CRK: variants seen among roughly 807,000 people sequenced by gnomAD.
The protein encoded by CRK is CRK proto-oncogene, adaptor protein, also known as adapter molecule crk.
In CRK, 4 loss-of-function variants were observed where a neutral mutation model predicts 29.8. The observed-to-expected ratio is 0.13, with a 90% CI of 0.07 to 0.31. CRK has a LOEUF of 0.31. CRK is among the 10% of genes least tolerant of loss of function. The pLI, the probability that CRK is intolerant of heterozygous loss-of-function variation, is 1.00. For synonymous variants in CRK, 153 were observed against 164.9 expected (o/e 0.93, Z 0.55); for missense variants, 274 against 396.5 (o/e 0.69, Z 2.62).
intron 1 of CRK, among the ~76,000 whole-genome samples, chr17:1,443,567 T>C (rs996038041): frequency 2.0e-5 from 3 of 149,900 alleles, no homozygotes; most frequent in Non-Finnish European, 4.4e-5. Flanking sequence ...GGCTAATTTT[T>C]TTTTGTATTT....
chr17:1,423,581 G>C lies in CRK; in HGVS notation c.847C>G (p.Arg283Gly). The change falls in exon 3 of 3, where the codon CGA (arginine) becomes GGA (glycine). Residue 283 changes from arginine (R) to glycine (G), a missense_variant. Physicochemically the swap from Arg to Gly is moderately radical, Grantham distance 125. This residue lies in a region of CRK where 121 missense variants were observed against 154.3 expected (regional missense o/e 0.78). Coordinates refer to ENST00000300574, the MANE Select transcript of CRK (RefSeq NM_016823.4). ...GQWEGECNGK[R>G]GHFPFTHVRL... ...ACATGTGTGAATGGGAAGTGACCTC[G>C]TTTGCCATTACACTCCCCTTCCCAC... 6.2e-7 allele frequency: 1 copy of C among 1,614,032 alleles called. No individual in the cohort carries two copies. The highest frequency in any genetic ancestry group is 8.5e-7 in the Non-Finnish European group (1 of 1,179,986).
intron 1 of CRK, among the ~76,000 whole-genome samples, chr17:1,450,490 C>T (rs900471551): frequency 3.4e-5 from 5 of 148,570 alleles, no homozygotes; most frequent in Admixed American, 6.8e-5. Flanking sequence ...CCGGCGTGGG[C>T]GACAGAGCGA....
In CRK at chr17:1,450,461, C is replaced by T. The variant is rs1471820895; in HGVS notation, c.241+5416G>A. Reference sequence around the variant, plus strand: ...GGCGGAGCTTTCAGTGAGCCGAGATCGCGCCACTGCCCTCCGGCCCGGCGT... The same window carrying T: ...GGCGGAGCTTTCAGTGAGCCGAGATTGCGCCACTGCCCTCCGGCCCGGCGT... On this transcript the variant is annotated intron_variant, in intron 1 of 2. Coordinates refer to ENST00000300574, the MANE Select transcript of CRK (RefSeq NM_016823.4). 2.6e-5 allele frequency among the ~76,000 whole-genome samples: 4 copies of T among 152,044 alleles called. No individual in the cohort carries two copies. In the East Asian group the frequency reaches 7.7e-4, roughly 29 times the overall value.
chr17:1,437,019 T>A lies in CRK; in HGVS notation c.378A>T (p.Gly126=), dbSNP rs1244098450. 1 of 1,614,112 alleles carries A rather than the reference T, an allele frequency of 6.2e-7. No individual in the cohort carries two copies. The highest frequency in any genetic ancestry group is 8.5e-7 in the Non-Finnish European group (1 of 1,180,024). ...EPVSRSRQGS[G]VILRQEEAEY... is the part of the protein sequence containing the mutation. ...CCGCCTCCTCCTGCCTGAGAATCAC[T>A]CCACTACCCTGCCTGGATCTGGAAA... Residue 126 remains glycine, a synonymous_variant, in exon 2 of 3, where the codon GGA becomes GGT. Coordinates refer to ENST00000300574, the MANE Select transcript of CRK (RefSeq NM_016823.4).
chr17:1,426,461 G>C (rs2073779997), intron 2 of CRK: 1 of 152,214 alleles, frequency 6.6e-6, no homozygotes, highest in African/African-American at 2.4e-5. Context: ...AGGGTGCTGT[G>C]GGGCTCACGT....
Position 1,423,447 on chromosome 17 carries a change from T to G in CRK, c.*66A>C. The G allele has an allele frequency of 6.4e-7, 1 of 1,552,130 alleles. No individual in the cohort carries two copies. Among genetic ancestry groups the G allele is most frequent in the South Asian group, 1.2e-5 (1 of 82,366 alleles). The stretch of plus-strand genomic sequence containing the variant: ...TTTTGACATCTGTAAGAAAATTGTA[T>G]AGATGGCAGTTGGAAAAAAAAAAAA... On this transcript the variant is annotated 3_prime_UTR_variant, in exon 3 of 3. Transcript: ENST00000300574.
At chr17:1,449,925 A>G (rs2074004422) in intron 1 of CRK, among the ~76,000 whole-genome samples, 1 of 152,174 alleles carries the variant, frequency 6.6e-6, no homozygotes, top group Non-Finnish European at 1.5e-5. Context: ...CCAGCTGCGC[A>G]CGGTGGCTCA....
At chr17:1,441,063 G>C (rs2073931636) in intron 1 of CRK, among the ~76,000 whole-genome samples, 1 of 152,140 alleles carries the variant, frequency 6.6e-6, no homozygotes, top group African/African-American at 2.4e-5. Flanking sequence ...AGCCTCCTGA[G>C]TAGCTGGGCC....
At chr17:1,447,097 A>C (rs1041230518) in intron 1 of CRK, among the ~76,000 whole-genome samples, 3 of 152,160 alleles carry the variant, frequency 2.0e-5, no homozygotes, top group African/African-American at 7.2e-5. Context: ...GGAGAACAGA[A>C]CACACATAAG....
intron 2 of CRK, chr17:1,424,325 A>G (rs925803461): frequency 1.3e-5 from 2 of 152,294 alleles, no homozygotes; most frequent in Non-Finnish European, 2.9e-5. Context: ...TTGGCCTCCC[A>G]AAGTGCTTGG....
rs1414348416 is a variant in CRK at position 1,421,833 on chromosome 17, A to G, written c.*1680T>C. The G allele has an allele frequency of 6.6e-6, 1 of 152,226 alleles. No homozygotes were observed. The highest frequency in any genetic ancestry group is 1.5e-5 in the Non-Finnish European group (1 of 68,036). The allele number at this position is 152,226 out of a possible 1,614,324, so 9.4% of individuals were successfully genotyped here. The stretch of plus-strand genomic sequence containing the variant: ...AGATTATTTTTCCAAAATGAGGTCC[A>G]AAGCAAACTATAAGGTGTTTCTATT... On this transcript the variant is annotated 3_prime_UTR_variant, in exon 3 of 3. Coordinates refer to ENST00000300574, the MANE Select transcript of CRK (RefSeq NM_016823.4).
intron 2 of CRK, chr17:1,424,362 G>A: frequency 6.5e-6 from 1 of 152,934 alleles, no homozygotes; most frequent in Non-Finnish European, 1.5e-5. Flanking sequence ...ACTGTGCCTG[G>A]CCGCCTTCTC....
At position 1,445,304 on chromosome 17, in the gene CRK, A is replaced by G. The variant is rs556954801; in HGVS notation, c.242-8149T>C. Among the ~76,000 whole-genome samples, 7 of 152,196 alleles carry G rather than the reference A, an allele frequency of 4.6e-5. No individual in the cohort carries two copies. The South Asian group carries it at 1.5e-3, about 32-fold the overall frequency. Reference sequence around the variant, plus strand: ...GAGACCATCTGAAGGAGAGCCGTACATTTTTCATATTACCCAAAGTCCACC... The same window carrying G: ...GAGACCATCTGAAGGAGAGCCGTACGTTTTTCATATTACCCAAAGTCCACC... On this transcript the variant is annotated intron_variant, in intron 1 of 2. Coordinates refer to ENST00000300574, the MANE Select transcript of CRK (RefSeq NM_016823.4).
intron 1 of CRK, among the ~76,000 whole-genome samples, chr17:1,450,310 C>T (rs889422084): frequency 6.6e-6 from 1 of 151,856 alleles, no homozygotes; most frequent in Non-Finnish European, 1.5e-5. Flanking sequence ...AGCTCAAGAC[C>T]ATCCTGGCTA....
chr17:1,446,590 C>CTTT (rs56660089), intron 1 of CRK, among the ~76,000 whole-genome samples: 40,573 of 125,114 alleles, frequency 0.32, 7,223 homozygotes, highest in South Asian at 0.39. Flanking sequence ...CTCACTATGA[C>CTTT]TTTTTTTTTT....
rs2074056010 is a variant in CRK, at chr17:1,456,178, C to T, written c.-61G>A. On this transcript the variant is annotated 5_prime_UTR_variant, in exon 1 of 3. Coordinates refer to ENST00000300574, the MANE Select transcript of CRK (RefSeq NM_016823.4). The stretch of plus-strand genomic sequence containing the variant: ...CCGCGCGCGCCCCTCCGGCCCCCGG[C>T]GCCCGCCGCCCAGCGGACCGGCTCC... The T allele has an allele frequency of 5.1e-6, 7 of 1,373,700 alleles. No homozygotes were observed. The highest frequency in any genetic ancestry group is 3.1e-5 in the East Asian group (1 of 32,170). 85.1% of individuals were successfully genotyped at this position (1,373,700 alleles called of 1,614,324 possible).
chr17:1,452,197 G>C (rs1449038783), intron 1 of CRK, among the ~76,000 whole-genome samples: 4 of 152,090 alleles, frequency 2.6e-5, no homozygotes, highest in African/African-American at 9.7e-5. Context: ...CCTTAAGCAA[G>C]TTACTGAATC....
intron 1 of CRK, among the ~76,000 whole-genome samples, chr17:1,439,040 C>T (rs1029322941): frequency 6.6e-6 from 1 of 151,556 alleles, no homozygotes; most frequent in Admixed American, 6.6e-5. Flanking sequence ...CACCACGTTG[C>T]CCAGACTGGT....
intron 2 of CRK, among the ~76,000 whole-genome samples, chr17:1,432,574 G>A (rs1317448971): frequency 2.0e-5 from 3 of 150,462 alleles, no homozygotes; most frequent in Non-Finnish European, 4.4e-5. Flanking sequence ...TCAGGAGGTC[G>A]AGACCATCCT....
Sources: gnomAD v4.1 joint callset for allele counts (sites outside exome capture counted in the v4.1 genomes callset) on GRCh38, gnomAD v4.1.1 for gene constraint, gnomAD v4.1.1 regional missense constraint, MANE v1.5 for transcripts, NCBI Gene and HGNC (gene_info 2026-07-23, HGNC 2026-07-21) for gene names.